The following LRP1B variants were observed in gnomAD, a reference collection of about 807,000 sequenced individuals.
LRP1B encodes LDL receptor related protein 1B, also known as low-density lipoprotein receptor-related protein 1B.
LRP1B carries 217 observed loss-of-function variants against 556.6 expected under a neutral mutation model. The ratio of observed to expected loss-of-function variants is 0.39; its 90% CI spans 0.35 to 0.44. LRP1B has a LOEUF of 0.44. Among genes scored for constraint, LRP1B ranks in the 20% least tolerant of loss-of-function variants. The pLI is 1.00. For missense variants in LRP1B, 5,053 were observed against 5,620.8 expected, an observed-to-expected ratio of 0.90 and a Z score of 3.23; for synonymous variants, 2,047 against 1,865.8, an observed-to-expected ratio of 1.10 and a Z score of -2.50.
intron 2 of LRP1B, among the ~76,000 whole-genome samples, chr2:141,776,558 G>A (rs1031571954): frequency 6.6e-6 from 1 of 152,152 alleles, no homozygotes; most frequent in African/African-American, 2.4e-5. Flanking sequence ...CATGGAAGGT[G>A]ATCAGTAATA....
chr2:140,874,513 C>A (rs904770540), intron 25 of LRP1B, among the ~76,000 whole-genome samples: 3 of 152,002 alleles, frequency 2.0e-5, no homozygotes, highest in African/African-American at 7.3e-5. Context: ...AAGGTCTTTT[C>A]TTTTGCCTTT....
At chr2:141,890,393 G>GTATA (rs1197991875) in intron 1 of LRP1B, among the ~76,000 whole-genome samples, 11 of 87,028 alleles carry the variant, frequency 1.3e-4, no homozygotes, top group African/African-American at 4.3e-4. Context: ...CATATATAGT[G>GTATA]TATATATATA....
intron 60 of LRP1B, among the ~76,000 whole-genome samples, chr2:140,465,535 T>A (rs533256294): frequency 6.6e-6 from 1 of 152,150 alleles, no homozygotes; most frequent in Non-Finnish European, 1.5e-5. Flanking sequence ...CAAAGCAGCA[T>A]GCCTAAATTA....
At chr2:141,517,967 C>G (rs1307139539) in intron 2 of LRP1B, among the ~76,000 whole-genome samples, 2 of 152,016 alleles carry the variant, frequency 1.3e-5, no homozygotes, top group Non-Finnish European at 2.9e-5. Context: ...TTACTGAGCT[C>G]AAAACTATGT....
At chr2:141,664,090 AAATC>A (rs1198411511) in intron 2 of LRP1B, among the ~76,000 whole-genome samples, 3 of 152,158 alleles carry the variant, frequency 2.0e-5, no homozygotes, top group African/African-American at 7.2e-5. Flanking sequence ...CAACATACAC[AAATC>A]AATAAAAGTA....
intron 3 of LRP1B, among the ~76,000 whole-genome samples, chr2:141,428,879 C>T (rs965292062): frequency 8.5e-5 from 13 of 152,298 alleles, no homozygotes; most frequent in Admixed American, 3.3e-4. Flanking sequence ...AACTCATATA[C>T]GAATACCTGC....
At chr2:140,377,266 A>G (rs1442751497) in intron 68 of LRP1B, among the ~76,000 whole-genome samples, 1 of 152,080 alleles carries the variant, frequency 6.6e-6, no homozygotes, top group African/African-American at 2.4e-5. Context: ...TAGAAGAGAC[A>G]GGGTTTCACC....
chr2:141,582,095 G>A (rs1260865350), intron 2 of LRP1B, among the ~76,000 whole-genome samples: 2 of 152,066 alleles, frequency 1.3e-5, no homozygotes, highest in East Asian at 3.8e-4. Context: ...ATGTTCACTG[G>A]CTTGAAAATT....
chr2:140,601,298 G>T, intron 42 of LRP1B, 152 bp downstream of exon 42: 2 of 593,268 alleles, frequency 3.4e-6, no homozygotes, highest in South Asian at 3.2e-5. Context: ...CATTTATAAT[G>T]CTCTTACATA....
chr2:140,588,501 A>G (rs961087212), intron 43 of LRP1B, among the ~76,000 whole-genome samples: 3 of 152,254 alleles, frequency 2.0e-5, no homozygotes, highest in Non-Finnish European at 4.4e-5. Flanking sequence ...AACTTATGCA[A>G]AATGGCAAAG....
intron 83 of LRP1B, among the ~76,000 whole-genome samples, chr2:140,311,834 G>A (rs888794047): frequency 4.6e-5 from 7 of 151,880 alleles, no homozygotes; most frequent in Non-Finnish European, 7.4e-5. Flanking sequence ...CAGTTTAAAT[G>A]AATGTTCACT....
chr2:141,349,903 A>G (rs2105536671), intron 3 of LRP1B, among the ~76,000 whole-genome samples: 1 of 152,224 alleles, frequency 6.6e-6, no homozygotes, highest in African/African-American at 2.4e-5. Flanking sequence ...CATGCTGATG[A>G]TAAAGACACA....
At chr2:140,374,534 G>T (rs896711396) in intron 68 of LRP1B, among the ~76,000 whole-genome samples, 1 of 152,164 alleles carries the variant, frequency 6.6e-6, no homozygotes, top group African/African-American at 2.4e-5. Flanking sequence ...AATAGCAAAT[G>T]ATGTGAAAGA....
At chr2:140,902,329 G>A (rs563170606) in intron 23 of LRP1B, among the ~76,000 whole-genome samples, 1 of 152,040 alleles carries the variant, frequency 6.6e-6, no homozygotes, top group East Asian at 1.9e-4. Context: ...GCAAGAAATG[G>A]TTAAAATGGG....
chr2:141,258,812 G>A (rs77816870), intron 3 of LRP1B, among the ~76,000 whole-genome samples: 19 of 152,198 alleles, frequency 1.2e-4, no homozygotes, highest in Admixed American at 5.9e-4. Flanking sequence ...CATGTAAGAC[G>A]TGCCTCCTTT....
rs572911400 is a variant in LRP1B, at chr2:141,113,488, A to G, written c.1014-51215T>C. Among the ~76,000 whole-genome samples, 85 of 152,304 alleles carry G rather than the reference A, an allele frequency of 5.6e-4. 2 individuals carry two copies. In the South Asian group the frequency reaches 0.01, roughly 18 times the overall value. ...TGGTCCCTTTAAAAACAATTTTAAA[A>G]TCTTTTCTTAAAGTTTGTACAACTG... On this transcript the variant is annotated intron_variant, in intron 7 of 90. Transcript: ENST00000389484.
At chr2:140,919,106 T>A (rs1694665342) in intron 21 of LRP1B, among the ~76,000 whole-genome samples, 1 of 152,040 alleles carries the variant, frequency 6.6e-6, no homozygotes. Flanking sequence ...TCATGAATAA[T>A]TTATTTTGTA....
chr2:140,892,110 G>C (rs1267139154), intron 23 of LRP1B, among the ~76,000 whole-genome samples: 3 of 152,008 alleles, frequency 2.0e-5, no homozygotes, highest in Non-Finnish European at 4.4e-5. Flanking sequence ...AAATATTTTT[G>C]ATTGCATAAA....
chr2:140,488,911 G>C (rs1688588301), intron 57 of LRP1B, among the ~76,000 whole-genome samples: 1 of 151,898 alleles, frequency 6.6e-6, no homozygotes, highest in Admixed American at 6.6e-5. Context: ...CGGGAGGAGG[G>C]AGAAAGAGGA....
Sources: allele counts gnomAD v4.1 joint callset (sites outside exome capture counted in the v4.1 genomes callset), GRCh38; gene constraint gnomAD v4.1.1; transcripts MANE v1.5; gene names NCBI Gene and HGNC (gene_info 2026-07-23, HGNC 2026-07-21).